The following ARHGEF38 variants were observed in gnomAD, a reference collection of about 807,000 sequenced individuals.
ARHGEF38 encodes the protein Rho guanine nucleotide exchange factor 38.
ARHGEF38 carries 79 observed loss-of-function variants against 79.9 expected under a neutral mutation model. That is an observed-to-expected ratio of 0.99 (90% CI 0.82 to 1.19). ARHGEF38 has a LOEUF of 1.19. Ranked by LOEUF, ARHGEF38 falls within the 50% of genes most tolerant of loss-of-function variation. ARHGEF38 has a pLI of 0.00. For missense variants in ARHGEF38, 962 were observed against 907.2 expected (o/e 1.06, Z -0.78); for synonymous variants, 366 against 328.3 (o/e 1.11, Z -1.24).
chr4:105,671,894 T>C (rs1239827744), intron 13 of ARHGEF38, among the ~76,000 whole-genome samples: 1 of 152,164 alleles, frequency 6.6e-6, no homozygotes, highest in Non-Finnish European at 1.5e-5. Context: ...TGGTAGCACT[T>C]TTTTTATTTC....
At chr4:105,593,753 T>G (rs185587046) in intron 2 of ARHGEF38, among the ~76,000 whole-genome samples, 1 of 152,304 alleles carries the variant, frequency 6.6e-6, no homozygotes, top group East Asian at 1.9e-4. Flanking sequence ...CCAATTCTTT[T>G]TTGTGCTTTT....
At chr4:105,641,094 G>A (rs1325805885) in intron 5 of ARHGEF38, among the ~76,000 whole-genome samples, 1 of 151,942 alleles carries the variant, frequency 6.6e-6, no homozygotes, top group Non-Finnish European at 1.5e-5. Flanking sequence ...CTTATTAGTA[G>A]ATGATGAAGT....
intron 2 of ARHGEF38, among the ~76,000 whole-genome samples, chr4:105,591,970 C>T (rs1255640856): frequency 6.6e-6 from 1 of 152,136 alleles, no homozygotes; most frequent in Non-Finnish European, 1.5e-5. Flanking sequence ...GATATAACTG[C>T]TATTCTGGCA....
intron 1 of ARHGEF38, among the ~76,000 whole-genome samples, chr4:105,560,667 A>G (rs1725474687): frequency 6.6e-6 from 1 of 152,224 alleles, no homozygotes; most frequent in Non-Finnish European, 1.5e-5. Context: ...GAATAAATGA[A>G]TAGTCTAAGA....
At chr4:105,576,735 C>G (rs1726521507) in intron 1 of ARHGEF38, among the ~76,000 whole-genome samples, 1 of 151,442 alleles carries the variant, frequency 6.6e-6, no homozygotes, top group Non-Finnish European at 1.5e-5. Context: ...AAGTGGGCAT[C>G]CTTGTCTTTT....
intron 1 of ARHGEF38, among the ~76,000 whole-genome samples, chr4:105,584,914 C>G (rs1178933854): frequency 6.6e-6 from 1 of 152,160 alleles, no homozygotes; most frequent in African/African-American, 2.4e-5. Flanking sequence ...TTGCACTTCT[C>G]TAAGAGATCG....
At chr4:105,588,220 C>T (rs554573059) in intron 1 of ARHGEF38, among the ~76,000 whole-genome samples, 1 of 152,292 alleles carries the variant, frequency 6.6e-6, no homozygotes, top group South Asian at 2.1e-4. Flanking sequence ...TCTTTATAGG[C>T]CCTTTTGTAA....
chr4:105,657,300 G>A (rs975597022), intron 9 of ARHGEF38, among the ~76,000 whole-genome samples: 10 of 152,158 alleles, frequency 6.6e-5, no homozygotes, highest in Admixed American at 3.3e-4. Context: ...GAAGCCAGAA[G>A]TGTCCTGCAT....
At chr4:105,596,098 T>A (rs1405148654) in intron 2 of ARHGEF38, among the ~76,000 whole-genome samples, 1 of 152,176 alleles carries the variant, frequency 6.6e-6, no homozygotes, top group Non-Finnish European at 1.5e-5. Context: ...TGTAAAATGG[T>A]GCCTATTACC....
At chr4:105,665,161 C>A (rs544395981) in intron 10 of ARHGEF38, among the ~76,000 whole-genome samples, 59 of 151,808 alleles carry the variant, frequency 3.9e-4, no homozygotes, top group Non-Finnish European at 5.9e-4. Context: ...CCTCACTGGG[C>A]TAATTTTATT....
At chr4:105,621,370 T>C (rs1229855475) in intron 3 of ARHGEF38, among the ~76,000 whole-genome samples, 1 of 152,248 alleles carries the variant, frequency 6.6e-6, no homozygotes, top group Non-Finnish European at 1.5e-5. Flanking sequence ...AAGACTGTCA[T>C]GAACATGCTT....
In ARHGEF38 at chr4:105,613,368, T is replaced by C. The variant is rs771501431; in HGVS notation, c.385-16T>C. The C allele has an allele frequency of 2.3e-5, 37 of 1,608,764 alleles. No homozygotes were observed. Among genetic ancestry groups the C allele is most frequent in the Non-Finnish European group, 3.1e-5 (36 of 1,177,062 alleles). ...ACAGTGCTTCTCCATCAGCTCAATG[T>C]TTTTTGTTTCTTCAGACTGATAGGC... On this transcript the variant is annotated splice_polypyrimidine_tract_variant and intron_variant, in intron 2 of 13. Coordinates refer to ENST00000420470, the MANE Select transcript of ARHGEF38 (RefSeq NM_001242729.2).
Position 105,667,159 on chromosome 4 carries a change from C to A in ARHGEF38, c.1720C>A (p.Arg574Ser). 1 of 1,534,390 alleles carries A rather than the reference C, an allele frequency of 6.5e-7. No homozygotes were observed. Among genetic ancestry groups the A allele is most frequent in the Non-Finnish European group, 8.7e-7 (1 of 1,145,764 alleles). Residue 574 changes from arginine to serine, a missense_variant, in exon 12 of 14, where the codon CGC (arginine) becomes AGC (serine). Arg to Ser is a moderately radical substitution (Grantham distance 110). Transcript: ENST00000420470. ...AATGCCACATCAAACTGACATTCAT[C>A]GCTCCAAACTTCTATCCACATATAG... ...PEMPHQTDIH[R>S]SKLLSTYSAE...
chr4:105,640,725 C>A (rs1020637002), intron 5 of ARHGEF38, among the ~76,000 whole-genome samples: 3 of 152,122 alleles, frequency 2.0e-5, no homozygotes, highest in Admixed American at 2.0e-4. Context: ...TTTACTCTCA[C>A]GCTTGGTTTA....
In ARHGEF38 at chr4:105,645,334, C is replaced by T. The variant is rs763967287; in HGVS notation, c.821C>T (p.Ala274Val). Residue 274 changes from alanine (A) to valine (V), a missense_variant, in exon 6 of 14, where the codon GCT becomes GTT. Ala to Val is a moderately conservative substitution (Grantham distance 64, BLOSUM62 0). Transcript: ENST00000420470. ...AGAGCACTGGACGATGCCTTTGCTGCTGTGAAGGACATTAATGTTAACATC... is the reference window on the plus strand; with the variant it reads ...AGAGCACTGGACGATGCCTTTGCTGTTGTGAAGGACATTAATGTTAACATC... ...DYRALDDAFAAVKDINVNINE... is the reference protein window; with the variant it reads ...DYRALDDAFAVVKDINVNINE... 4.6e-6 allele frequency: 7 copies of T among 1,532,962 alleles called. No individual in the cohort carries two copies. The South Asian group carries it at 8.4e-5, about 18-fold the overall frequency. The allele number at this position is 1,532,962 out of a possible 1,614,324, so 95.0% of individuals were successfully genotyped here.
downstream of ARHGEF38, among the ~76,000 whole-genome samples, chr4:105,681,288 TA>T (rs563622125): frequency 0.048 from 6,943 of 144,524 alleles, 207 homozygotes; most frequent in Middle Eastern, 0.13. Context: ...AATCTTTCCT[TA>T]AAAAAAAAAA....
At chr4:105,612,037 G>T (rs1200816692) in intron 2 of ARHGEF38, among the ~76,000 whole-genome samples, 1 of 152,068 alleles carries the variant, frequency 6.6e-6, no homozygotes, top group Non-Finnish European at 1.5e-5. Context: ...TTGAAAAGGT[G>T]CCATGTGAAG....
chr4:105,643,936 G>A (rs1047651095), intron 5 of ARHGEF38, among the ~76,000 whole-genome samples: 1 of 145,418 alleles, frequency 6.9e-6, no homozygotes, highest in East Asian at 2.0e-4. Context: ...GGAGTGCAGC[G>A]GCTCACTGCA....
chr4:105,659,037 A>C lies in ARHGEF38; in HGVS notation c.1234-17A>C. 1 of 1,521,278 alleles carries C rather than the reference A, an allele frequency of 6.6e-7. No homozygotes were observed. The highest frequency in any genetic ancestry group is 8.8e-7 in the Non-Finnish European group (1 of 1,139,294). 94.2% of individuals were successfully genotyped at this position (1,521,278 alleles called of 1,614,324 possible). A position where few individuals can be genotyped will look rare whatever the true frequency, so the allele number is the denominator to read the frequency against. Reference sequence around the variant, plus strand: ...CTGATCCTCTCTCTGAAATGGGCTCATTTTTTCTTTTGGCAGGCATCTCAC... The same window carrying C: ...CTGATCCTCTCTCTGAAATGGGCTCCTTTTTTCTTTTGGCAGGCATCTCAC... On this transcript the variant is annotated splice_polypyrimidine_tract_variant and intron_variant, in intron 9 of 13. Transcript: ENST00000420470.
Sources: allele counts gnomAD v4.1 joint callset (sites outside exome capture counted in the v4.1 genomes callset), GRCh38; gene constraint gnomAD v4.1.1; transcripts MANE v1.5; gene names NCBI Gene and HGNC (gene_info 2026-07-23, HGNC 2026-07-21).